The following DLG2 variants were observed in gnomAD, a reference collection of about 807,000 sequenced individuals.
DLG2 encodes disks large homolog 2.
In DLG2, 45 loss-of-function variants were observed where a neutral mutation model predicts 132.5. That is an observed-to-expected ratio of 0.34 (90% CI 0.27 to 0.44). The LOEUF (loss-of-function observed/expected upper bound fraction) is 0.44, where lower values mean the gene tolerates loss of function less well. Ranked by LOEUF, DLG2 falls within the 20% of genes least tolerant of loss-of-function variation. The pLI, the probability that DLG2 is intolerant of heterozygous loss-of-function variation, is 1.00. For missense variants in DLG2, 1,045 were observed against 1,196.9 expected (o/e 0.87, Z 1.87); for synonymous variants, 424 against 419.6 (o/e 1.01, Z -0.13).
intron 6 of DLG2, among the ~76,000 whole-genome samples, chr11:84,858,701 C>G (rs375442597): frequency 3.3e-5 from 5 of 152,090 alleles, no homozygotes. Flanking sequence ...AGTACTCAAA[C>G]AAGTCTCAAG....
chr11:84,185,127 T>A (rs953269063), intron 8 of DLG2, among the ~76,000 whole-genome samples: 6 of 152,116 alleles, frequency 3.9e-5, no homozygotes, highest in African/African-American at 2.4e-5. Flanking sequence ...GGTAGCTTGA[T>A]GGGGATGGCA....
At chr11:84,552,805 T>A (rs1274166145) in intron 6 of DLG2, among the ~76,000 whole-genome samples, 2 of 152,184 alleles carry the variant, frequency 1.3e-5, no homozygotes, top group Non-Finnish European at 2.9e-5. Flanking sequence ...TTTTAACTAA[T>A]CACCCTCAGA....
At chr11:84,924,789 C>T (rs1566412425) in intron 6 of DLG2, among the ~76,000 whole-genome samples, 1 of 152,130 alleles carries the variant, frequency 6.6e-6, no homozygotes, top group Non-Finnish European at 1.5e-5. Flanking sequence ...TTCCGTCTGT[C>T]TTAGGAGCCT....
chr11:84,746,172 G>C (rs1214783037), intron 6 of DLG2, among the ~76,000 whole-genome samples: 1 of 149,688 alleles, frequency 6.7e-6, no homozygotes, highest in African/African-American at 2.5e-5. Context: ...TGGGAACTCA[G>C]AAAAGGAGTG....
intron 9 of DLG2, among the ~76,000 whole-genome samples, chr11:84,106,291 T>C (rs1331910965): frequency 3.3e-5 from 5 of 152,234 alleles, no homozygotes; most frequent in African/African-American, 9.6e-5. Context: ...TTCATACACA[T>C]TACTTGTTAA....
Position 84,441,998 on chromosome 11 carries a change from C to T in DLG2, c.519+92572G>A, listed in dbSNP as rs912269547. Reference sequence around the variant, plus strand: ...CTATATATCTGTTTTGGTACCAGTACCATGCTGTTTTGGTTACTGTAGTCT... The same window carrying T: ...CTATATATCTGTTTTGGTACCAGTATCATGCTGTTTTGGTTACTGTAGTCT... On this transcript the variant is annotated intron_variant, in intron 7 of 27. Transcript: ENST00000376104. Among the ~76,000 whole-genome samples the T allele has an allele frequency of 4.8e-4, 73 of 152,214 alleles. 1 individual carries two copies. Among genetic ancestry groups the T allele is most frequent in the African/African-American group, 1.5e-3 (64 of 41,524 alleles).
At chr11:83,952,318 C>G (rs147295827) in intron 14 of DLG2, among the ~76,000 whole-genome samples, 2,079 of 152,022 alleles carry the variant, frequency 0.014, 21 homozygotes, top group Middle Eastern at 0.048. Context: ...CTGAACTCCA[C>G]CATGGGGGAA....
At chr11:85,004,509 C>A (rs2058472989) in intron 6 of DLG2, among the ~76,000 whole-genome samples, 1 of 152,024 alleles carries the variant, frequency 6.6e-6, no homozygotes, top group Non-Finnish European at 1.5e-5. Context: ...TTGGCCACAT[C>A]AGTGTATTCT....
intron 17 of DLG2, among the ~76,000 whole-genome samples, chr11:83,823,833 T>C (rs919286717): frequency 1.3e-5 from 2 of 152,196 alleles, no homozygotes; most frequent in African/African-American, 4.8e-5. Context: ...AATGGCTTCC[T>C]GTGGTGACTC....
At chr11:84,795,007 T>C (rs527560618) in intron 6 of DLG2, among the ~76,000 whole-genome samples, 64 of 152,292 alleles carry the variant, frequency 4.2e-4, no homozygotes, top group South Asian at 2.9e-3. Flanking sequence ...AGTGAAGCCC[T>C]ACCATCAGGC....
intron 20 of DLG2, among the ~76,000 whole-genome samples, chr11:83,534,226 AG>A (rs1471955311): frequency 1.3e-5 from 2 of 152,200 alleles, no homozygotes; most frequent in Non-Finnish European, 2.9e-5. Context: ...CTGCATATAC[AG>A]GGTTGTATGT....
At chr11:83,735,795 T>C (rs750795270) in intron 18 of DLG2, among the ~76,000 whole-genome samples, 56 of 152,196 alleles carry the variant, frequency 3.7e-4, no homozygotes, top group Non-Finnish European at 7.2e-4. Flanking sequence ...CCTTTCTAAG[T>C]GAACTACAGT....
At chr11:83,688,614 C>T (rs1445220982) in intron 18 of DLG2, among the ~76,000 whole-genome samples, 6 of 151,990 alleles carry the variant, frequency 3.9e-5, no homozygotes, top group South Asian at 2.1e-4. Context: ...TTTATGAATT[C>T]GTGTTCATGA....
chr11:84,168,371 A>G (rs565747183), intron 8 of DLG2, among the ~76,000 whole-genome samples: 1 of 152,336 alleles, frequency 6.6e-6, no homozygotes, highest in Admixed American at 6.5e-5. Flanking sequence ...TCTCCTTATT[A>G]TAAGTAATTA....
rs566940013 is a variant in DLG2, at chr11:84,842,537, C to G, written c.357+269124G>C. On this transcript the variant is annotated intron_variant, in intron 6 of 27. Coordinates refer to ENST00000376104, the MANE Select transcript of DLG2 (RefSeq NM_001142699.3). Reference sequence around the variant, plus strand: ...GGGTAGAAAAAATCAATAGTTCATCCTTTGCTCTCAAACGCACTTTACTTC... The same window carrying G: ...GGGTAGAAAAAATCAATAGTTCATCGTTTGCTCTCAAACGCACTTTACTTC... Among the ~76,000 whole-genome samples, 25 of 152,056 alleles carry G rather than the reference C, an allele frequency of 1.6e-4. No individual in the cohort carries two copies. In the South Asian group the frequency reaches 5.0e-3, roughly 30 times the overall value.
At chr11:85,492,369 A>C (rs1392845517) in intron 3 of DLG2, among the ~76,000 whole-genome samples, 1 of 152,174 alleles carries the variant, frequency 6.6e-6, no homozygotes, top group Non-Finnish European at 1.5e-5. Flanking sequence ...ATTTATCTGC[A>C]TTTTATATAT....
At chr11:85,598,544 G>C in intron 3 of DLG2, 113 bp downstream of exon 3, 1 of 658,760 alleles carries the variant, frequency 1.5e-6, no homozygotes, top group South Asian at 5.5e-5. Context: ...CAGTATTAAA[G>C]AAAATTATCC....
chr11:85,392,934 A>C (rs1343464064), intron 3 of DLG2, among the ~76,000 whole-genome samples: 1 of 152,210 alleles, frequency 6.6e-6, no homozygotes, highest in African/African-American at 2.4e-5. Flanking sequence ...TTGATAACCA[A>C]GAACACAAAA....
At chr11:84,928,017 T>C (rs1255160580) in intron 6 of DLG2, among the ~76,000 whole-genome samples, 1 of 151,954 alleles carries the variant, frequency 6.6e-6, no homozygotes, top group Non-Finnish European at 1.5e-5. Context: ...AGAGGAAAAT[T>C]GATGGCTTTG....
Sources: gnomAD v4.1 joint callset for allele counts (sites outside exome capture counted in the v4.1 genomes callset) on GRCh38, gnomAD v4.1.1 for gene constraint, MANE v1.5 for transcripts, NCBI Gene and HGNC (gene_info 2026-07-23, HGNC 2026-07-21) for gene names.